KLHL30: variants seen among roughly 807,000 people sequenced by gnomAD.
The protein encoded by KLHL30 is kelch-like protein 30.
KLHL30 carries 55 observed loss-of-function variants against 55.0 expected under a neutral mutation model. That is an observed-to-expected ratio of 1.00 (90% CI 0.80 to 1.25). The LOEUF (loss-of-function observed/expected upper bound fraction) is 1.25. Among genes scored for constraint, KLHL30 ranks in the 50% most tolerant of loss-of-function variants. The pLI, the probability that KLHL30 is intolerant of heterozygous loss-of-function variation, is 0.00. For synonymous variants in KLHL30, 356 were observed against 372.6 expected (o/e 0.96, Z 0.51); for missense variants, 786 against 811.6 (o/e 0.97, Z 0.38).
chr2:238,141,645 C>A, intron 2 of KLHL30, 117 bp downstream of exon 2: 1 of 1,165,268 alleles, frequency 8.6e-7, no homozygotes, highest in Non-Finnish European at 1.2e-6. Context: ...CTGACCTTGC[C>A]ACGCTCCTTG....
chr2:238,145,475 G>T (rs373780480), intron 4 of KLHL30, among the ~76,000 whole-genome samples: 2 of 152,206 alleles, frequency 1.3e-5, no homozygotes, highest in Non-Finnish European at 2.9e-5. Flanking sequence ...TGAAACCACC[G>T]ATTTTGTCGT....
rs563460573 is a variant in KLHL30 at position 238,145,767 on chromosome 2, C to G, written c.1085C>G (p.Pro362Arg). ...GAGGCCTCCTGGAAGCCCGTGGCGC[C>G]CATGCTGAAGCCCCGCACCAACCAC... is the stretch of plus-strand genomic sequence containing the variant. ...LKEASWKPVAPMLKPRTNHAS... is the reference protein window; with the variant it reads ...LKEASWKPVARMLKPRTNHAS... Residue 362 changes from proline (P) to arginine (R), a missense_variant, in exon 5 of 8, where the codon CCC becomes CGC. Pro to Arg is a moderately radical substitution (Grantham distance 103). Coordinates refer to ENST00000409223, the MANE Select transcript of KLHL30 (RefSeq NM_198582.4). The G allele has an allele frequency of 4.9e-5, 78 of 1,606,556 alleles. 1 individual carries two copies. In the South Asian group the frequency reaches 8.3e-4, roughly 17 times the overall value.
At chr2:238,142,618 G>C (rs1299259722) in intron 2 of KLHL30, among the ~76,000 whole-genome samples, 181 bp from the exon 3 acceptor site, 1 of 152,226 alleles carries the variant, frequency 6.6e-6, no homozygotes, top group Non-Finnish European at 1.5e-5. Context: ...AGGAACTCCA[G>C]GAATGCCCCT....
At chr2:238,146,711 A>G (rs1410297341) in intron 5 of KLHL30, among the ~76,000 whole-genome samples, 1 of 151,002 alleles carries the variant, frequency 6.6e-6, no homozygotes, top group Non-Finnish European at 1.5e-5. Context: ...CCAGCCCATA[A>G]AAAAATAAAA....
chr2:238,150,496 C>T (rs1206207493), intron 7 of KLHL30, among the ~76,000 whole-genome samples: 2 of 152,162 alleles, frequency 1.3e-5, no homozygotes, highest in Admixed American at 6.5e-5. Context: ...TGTGAGACAG[C>T]GAAGCCTCAG....
At position 238,140,763 on chromosome 2, in the gene KLHL30, G is replaced by T; in HGVS notation, c.9G>T (p.Arg3=). 1 of 1,528,152 alleles carries T rather than the reference G, an allele frequency of 6.5e-7. No homozygotes were observed. Among genetic ancestry groups the T allele is most frequent in the East Asian group, 2.4e-5 (1 of 41,522 alleles). 94.7% of individuals were successfully genotyped at this position (1,528,152 alleles called of 1,614,324 possible). Residue 3 remains arginine (R), a synonymous_variant, in exon 2 of 8, where the codon CGG becomes CGT. Coordinates refer to ENST00000409223, the MANE Select transcript of KLHL30 (RefSeq NM_198582.4). ...CCCCTGGGCACGGCGTCATGGTGCGGAACGTGGATGACCTGGATTTCCACC... is the reference window on the plus strand; with the variant it reads ...CCCCTGGGCACGGCGTCATGGTGCGTAACGTGGATGACCTGGATTTCCACC... The part of the protein sequence containing the change: MV[R]NVDDLDFHLP...
chr2:238,143,300 C>T (rs756667056), intron 3 of KLHL30, among the ~76,000 whole-genome samples: 1 of 152,214 alleles, frequency 6.6e-6, no homozygotes, highest in Admixed American at 6.5e-5. Flanking sequence ...CCGAGGGAAT[C>T]GAGACCCCAA....
chr2:238,141,402 C>T lies in KLHL30; in HGVS notation c.648C>T (p.Pro216=), dbSNP rs762992563. ...HDPQARAAHL[P]ELLSLVHLDA... ...CGCAGGCCCGGGCCGCCCACCTGCC[C>T]GAGCTGCTCAGCCTAGTGCACCTGG... Residue 216 remains proline, a synonymous_variant, in exon 2 of 8, where the codon CCC becomes CCT. Transcript: ENST00000409223. 10 of 1,583,324 alleles carry T rather than the reference C, an allele frequency of 6.3e-6. No homozygotes were observed. The Admixed American group carries it at 6.9e-5, about 11-fold the overall frequency.
chr2:238,151,499 G>A lies in KLHL30; in HGVS notation c.*434G>A. Reference sequence around the variant, plus strand: ...AAGCTGAGGCTGCTGGGGAAGGCAGGCCCCGGAGATGGGATCAGCACCAGG... The same window carrying A: ...AAGCTGAGGCTGCTGGGGAAGGCAGACCCCGGAGATGGGATCAGCACCAGG... On this transcript the variant is annotated 3_prime_UTR_variant, in exon 8 of 8. Coordinates refer to ENST00000409223, the MANE Select transcript of KLHL30 (RefSeq NM_198582.4). 1 of 209,274 alleles carries A rather than the reference G, an allele frequency of 4.8e-6. No homozygotes were observed. Among genetic ancestry groups the A allele is most frequent in the Non-Finnish European group, 9.7e-6 (1 of 103,356 alleles). 13.0% of individuals were successfully genotyped at this position (209,274 alleles called of 1,614,324 possible).
At chr2:238,144,109 C>T (rs1692588212) in intron 3 of KLHL30, among the ~76,000 whole-genome samples, 1 of 152,248 alleles carries the variant, frequency 6.6e-6, no homozygotes, top group Non-Finnish European at 1.5e-5. Flanking sequence ...GAGAGGCAGG[C>T]CTGACTTGGG....
Position 238,149,083 on chromosome 2 carries a change from G to C in KLHL30, c.1416G>C (p.Glu472Asp). The C allele has an allele frequency of 6.2e-7, 1 of 1,613,306 alleles. No homozygotes were observed. The highest frequency in any genetic ancestry group is 8.5e-7 in the Non-Finnish European group (1 of 1,179,860). Reference protein sequence around the residue: ...SSPRCAALHGELYLIGDNTKK... With the variant: ...SSPRCAALHGDLYLIGDNTKK... The stretch of plus-strand genomic sequence containing the variant: ...CTCGCTGTGCTGCACTGCACGGGGA[G>C]CTCTACCTCATTGGGGACAACACCA... Residue 472 changes from glutamate to aspartate, a missense_variant, in exon 7 of 8, where the codon GAG becomes GAC. Coordinates refer to ENST00000409223, the MANE Select transcript of KLHL30 (RefSeq NM_198582.4).
At chr2:238,144,743 G>T (rs569748031) in intron 3 of KLHL30, among the ~76,000 whole-genome samples, 159 bp from the exon 4 acceptor site, 1 of 152,198 alleles carries the variant, frequency 6.6e-6, no homozygotes, top group African/African-American at 2.4e-5. Flanking sequence ...AGGACCCCCC[G>T]GGCCCCCGTA....
intron 7 of KLHL30, 68 bp downstream of exon 7, chr2:238,149,220 T>C (rs761018263): frequency 3.8e-6 from 6 of 1,587,074 alleles, no homozygotes; most frequent in Non-Finnish European, 5.1e-6. Flanking sequence ...AGAGCCAGCC[T>C]GGGAAGTGAG....
At chr2:238,145,095 C>T (rs1160108224) in intron 4 of KLHL30, 107 bp downstream of exon 4, 4 of 896,780 alleles carry the variant, frequency 4.5e-6, no homozygotes, top group Admixed American at 2.1e-5. Context: ...CAAGGCTTGC[C>T]GAGGCCTTTC....
chr2:238,145,112 T>C (rs1230364273), intron 4 of KLHL30, 124 bp downstream of exon 4: 1 of 774,188 alleles, frequency 1.3e-6, no homozygotes, highest in Non-Finnish European at 2.2e-6. Context: ...TTTCCATGCA[T>C]GTGAAAACAA....
intron 2 of KLHL30, 35 bp downstream of exon 2, chr2:238,141,563 A>G: frequency 7.0e-7 from 1 of 1,431,160 alleles, no homozygotes; most frequent in Non-Finnish European, 9.1e-7. Flanking sequence ...ATCCCTGGGA[A>G]GCAGGGAGGA....
rs1365220571 is a variant in KLHL30 at position 238,144,945 on chromosome 2, G to A, written c.951G>A (p.Trp317Ter). ...CAGACTTCCCCGACTATCACAAGTG[G>A]GGTTTCTCCCTGGCGGCCCTGAACA... ...ALPDFPDYHK[W>*]GFSLAALNNN... The change falls in exon 4 of 8, where the codon TGG (tryptophan) becomes TGA (stop). Residue 317 changes from tryptophan to a stop codon, truncating the protein, a stop_gained. Coordinates refer to ENST00000409223, the MANE Select transcript of KLHL30 (RefSeq NM_198582.4). LOFTEE classifies it high-confidence loss of function. The A allele has an allele frequency of 4.3e-6, 7 of 1,611,324 alleles. No homozygotes were observed. The highest frequency in any genetic ancestry group is 5.9e-6 in the Non-Finnish European group (7 of 1,179,000).
chr2:238,140,382 C>T (rs987277291), intron 1 of KLHL30, among the ~76,000 whole-genome samples: 4 of 152,122 alleles, frequency 2.6e-5, no homozygotes, highest in East Asian at 1.9e-4. Flanking sequence ...CCCAGGGTTG[C>T]AGATGACACC....
rs1692581288 is a variant in KLHL30 at position 238,143,617 on chromosome 2, C to T, written c.907+686C>T. On this transcript the variant is annotated intron_variant, in intron 3 of 7. Transcript: ENST00000409223. ...GTGCTCTGGAAAGGGCTGATGCAGGCTGGCTGGTGTGGGGCCACCAGGCAG... is the reference window on the plus strand; with the variant it reads ...GTGCTCTGGAAAGGGCTGATGCAGGTTGGCTGGTGTGGGGCCACCAGGCAG... Among the ~76,000 whole-genome samples the T allele has an allele frequency of 4.6e-5, 7 of 152,374 alleles. No individual in the cohort carries two copies. In the South Asian group the frequency reaches 1.4e-3, roughly 32 times the overall value.
Sources: gnomAD v4.1 joint callset for allele counts (sites outside exome capture counted in the v4.1 genomes callset) on GRCh38, gnomAD v4.1.1 for gene constraint, MANE v1.5 for transcripts, NCBI Gene and HGNC (gene_info 2026-07-23, HGNC 2026-07-21) for gene names.